Variants in SHISA9 observed in about 807,000 individuals in gnomAD.
SHISA9 encodes the protein protein shisa-9.
Under a neutral mutation model 38.0 loss-of-function variants are expected in SHISA9, and 13 were observed. The ratio of observed to expected loss-of-function variants is 0.34; its 90% confidence interval spans 0.22 to 0.54. The LOEUF (loss-of-function observed/expected upper bound fraction) is 0.54. Among genes scored for constraint, SHISA9 ranks in the 20% least tolerant of loss-of-function variants. The pLI, the probability that SHISA9 is intolerant of heterozygous loss-of-function variation, is 0.91. For synonymous variants in SHISA9, 275 were observed against 242.0 expected, an observed-to-expected ratio of 1.14 and a Z score of -1.27; for missense variants, 538 against 575.8, an observed-to-expected ratio of 0.93 and a Z score of 0.67.
At chr16:13,014,327 A>T (rs2072715424) in intron 2 of SHISA9, among the ~76,000 whole-genome samples, 1 of 152,228 alleles carries the variant, frequency 6.6e-6, no homozygotes, top group African/African-American at 2.4e-5. Flanking sequence ...AACGTGAGTT[A>T]TAAATCTCAA....
At chr16:13,032,174 TG>T (rs1323142130) in intron 2 of SHISA9, among the ~76,000 whole-genome samples, 2 of 152,120 alleles carry the variant, frequency 1.3e-5, no homozygotes, top group East Asian at 3.9e-4. Context: ...TCCCTCCTCT[TG>T]CCCCCACCCC....
intron 2 of SHISA9, among the ~76,000 whole-genome samples, chr16:12,978,012 G>A (rs2072187860): frequency 6.6e-6 from 1 of 152,106 alleles, no homozygotes; most frequent in Non-Finnish European, 1.5e-5. Context: ...AAAAAAGAAT[G>A]AGAAGTGAAG....
chr16:12,919,344 G>A (rs554516025), intron 2 of SHISA9, among the ~76,000 whole-genome samples: 76 of 152,278 alleles, frequency 5.0e-4, no homozygotes, highest in Non-Finnish European at 8.8e-4. Flanking sequence ...GCATCTATTT[G>A]TGAAACACCA....
chr16:13,276,276 C>CATATATATAT, the SHISA9 span, among the ~76,000 whole-genome samples: 1 of 150,768 alleles, frequency 6.6e-6, no homozygotes, highest in African/African-American at 2.5e-5. Flanking sequence ...AGTATTCCAT[C>CATATATATAT]ATATATATAT....
chr16:13,533,668 CCTT>C, the SHISA9 span, among the ~76,000 whole-genome samples: 7 of 152,042 alleles, frequency 4.6e-5, no homozygotes, highest in East Asian at 5.8e-4. Flanking sequence ...ATGCAAAGCC[CCTT>C]CTTCTTCAAG....
chr16:13,388,355 G>C, the SHISA9 span, among the ~76,000 whole-genome samples: 1 of 149,778 alleles, frequency 6.7e-6, no homozygotes, highest in Non-Finnish European at 1.5e-5. Flanking sequence ...TCTGTTGCCT[G>C]GGCTGGAGTG....
chr16:12,949,715 T>C (rs1471457311), intron 2 of SHISA9, among the ~76,000 whole-genome samples: 4 of 152,188 alleles, frequency 2.6e-5, no homozygotes, highest in Non-Finnish European at 1.5e-5. Context: ...AGTTCACTTA[T>C]TTTTTATATT....
At chr16:13,073,569 G>A (rs936865379) in intron 2 of SHISA9, among the ~76,000 whole-genome samples, 8 of 152,134 alleles carry the variant, frequency 5.3e-5, no homozygotes, top group East Asian at 1.9e-4. Context: ...TGTGGGGCCC[G>A]GCAATCTGCA....
chr16:13,232,638 A>G (rs1314563074), intron 4 of SHISA9, among the ~76,000 whole-genome samples: 1 of 152,220 alleles, frequency 6.6e-6, no homozygotes, highest in East Asian at 1.9e-4. Context: ...ACATCAATCA[A>G]ATACATTTGA....
intron 2 of SHISA9, among the ~76,000 whole-genome samples, chr16:12,984,366 T>C (rs1267456853): frequency 6.6e-6 from 1 of 152,234 alleles, no homozygotes; most frequent in African/African-American, 2.4e-5. Context: ...CCTTTTACTT[T>C]ACCCCCAAAT....
intron 2 of SHISA9, among the ~76,000 whole-genome samples, chr16:13,041,487 C>G (rs545811266): frequency 1.2e-4 from 19 of 152,288 alleles, no homozygotes; most frequent in African/African-American, 4.6e-4. Flanking sequence ...CCACGTATCC[C>G]CTGATATGGC....
chr16:13,372,737 A>C, the SHISA9 span, among the ~76,000 whole-genome samples: 2 of 152,182 alleles, frequency 1.3e-5, no homozygotes, highest in African/African-American at 4.8e-5. Flanking sequence ...CTGCATTTTA[A>C]CTTCACAATG....
intron 2 of SHISA9, among the ~76,000 whole-genome samples, chr16:13,045,226 C>G (rs188650608): frequency 6.6e-6 from 1 of 152,314 alleles, no homozygotes; most frequent in East Asian, 1.9e-4. Flanking sequence ...CATCTGGATA[C>G]TTACTAAGTG....
chr16:13,373,943 G>T, the SHISA9 span, among the ~76,000 whole-genome samples: 6 of 152,270 alleles, frequency 3.9e-5, no homozygotes, highest in South Asian at 2.1e-4. Context: ...GATGGAGTTT[G>T]GGCATTAACC....
intron 2 of SHISA9, among the ~76,000 whole-genome samples, chr16:13,200,183 T>A (rs141343597): frequency 6.6e-6 from 1 of 152,238 alleles, no homozygotes; most frequent in African/African-American, 2.4e-5. Flanking sequence ...TGCTTCTTCT[T>A]GTTCTCTAAC....
chr16:13,169,270 A>G (rs2050664762), intron 2 of SHISA9, among the ~76,000 whole-genome samples: 1 of 152,234 alleles, frequency 6.6e-6, no homozygotes, highest in Non-Finnish European at 1.5e-5. Context: ...TAAGCAGTTG[A>G]TTAGTTCATT....
the SHISA9 span, among the ~76,000 whole-genome samples, chr16:13,388,970 G>T: frequency 1.1e-4 from 16 of 152,218 alleles, no homozygotes; most frequent in South Asian, 4.1e-4. Context: ...TGAGTAGAAG[G>T]TATAGAGTTC....
rs368330711 is a variant in SHISA9, at chr16:13,089,004, A to G, written c.692-114390A>G. ...CGTTCCATCAGTACCTAGTTTATTGAGAGATTTTAGCATGAAGGACTTGAA... is the reference window on the plus strand; with the variant it reads ...CGTTCCATCAGTACCTAGTTTATTGGGAGATTTTAGCATGAAGGACTTGAA... On this transcript the variant is annotated intron_variant, in intron 2 of 4. Coordinates refer to ENST00000558583, the MANE Select transcript of SHISA9 (RefSeq NM_001145204.3). 8.5e-5 allele frequency among the ~76,000 whole-genome samples: 13 copies of G among 152,270 alleles called. 2 individuals are homozygous for G. The highest frequency in any genetic ancestry group is 3.1e-4 in the African/African-American group (13 of 41,538).
intron 2 of SHISA9, among the ~76,000 whole-genome samples, chr16:12,963,194 G>C (rs1222099867): frequency 6.6e-6 from 1 of 152,232 alleles, no homozygotes; most frequent in Non-Finnish European, 1.5e-5. Flanking sequence ...TCAGCTGACA[G>C]TTTGTTGTGA....
Sources: gnomAD v4.1 joint callset for allele counts (sites outside exome capture counted in the v4.1 genomes callset) on GRCh38, gnomAD v4.1.1 for gene constraint, MANE v1.5 for transcripts, NCBI Gene and HGNC (gene_info 2026-07-23, HGNC 2026-07-21) for gene names.